The following CARHSP1 variants were observed in gnomAD, a reference collection of about 807,000 sequenced individuals.
CARHSP1 encodes the protein calcium-regulated heat-stable protein 1.
Under a neutral mutation model 12.5 loss-of-function variants are expected in CARHSP1, and 14 were observed. The ratio of observed to expected loss-of-function variants is 1.12; its 90% CI spans 0.74 to 1.75. CARHSP1 has a LOEUF of 1.75. Ranked by LOEUF, CARHSP1 falls within the 40% of genes most tolerant of loss-of-function variation. The pLI, the probability that CARHSP1 is intolerant of heterozygous loss-of-function variation, is 0.00. For synonymous variants in CARHSP1, 161 were observed against 82.0 expected (o/e 1.96, Z -5.20); for missense variants, 343 against 201.6 (o/e 1.70, Z -4.25).
In CARHSP1 at chr16:8,853,030, GCT is replaced by G. The variant is rs1320236632; in HGVS notation, c.*2132_*2133del. ...TCAGGAATCCTCAATTTTAGCTCTC[GCT>G]CTGTCACCAAAACCCTCCGTCCCTC... On this transcript the variant is annotated 3_prime_UTR_variant, in exon 4 of 4. Transcript: ENST00000311052. 1 of 152,134 alleles carries G rather than the reference GCT, an allele frequency of 6.6e-6. No individual in the cohort carries two copies. The highest frequency in any genetic ancestry group is 2.4e-5 in the African/African-American group (1 of 41,428). The allele number at this position is 152,134 out of a possible 1,614,324, so 9.4% of individuals were successfully genotyped here.
chr16:8,859,354 G>T lies in CARHSP1; in HGVS notation c.-7-19C>A. The T allele has an allele frequency of 1.3e-6, 2 of 1,592,766 alleles. No individual in the cohort carries two copies. Among genetic ancestry groups the T allele is most frequent in the Admixed American group, 1.7e-5 (1 of 58,696 alleles). ...GGCTGACCTGGAAAGAGAAGAGGCTGTCAGGGGCTCGTGCCTTGCAAGGTA... is the reference window on the plus strand; with the variant it reads ...GGCTGACCTGGAAAGAGAAGAGGCTTTCAGGGGCTCGTGCCTTGCAAGGTA... On this transcript the variant is annotated intron_variant, in intron 1 of 3. Coordinates refer to ENST00000311052, the MANE Select transcript of CARHSP1 (RefSeq NM_014316.4).
At chr16:8,866,205 C>A (rs1262256923) in intron 1 of CARHSP1, among the ~76,000 whole-genome samples, 3 of 152,226 alleles carry the variant, frequency 2.0e-5, no homozygotes, top group Non-Finnish European at 4.4e-5. Context: ...TCTCCCACCC[C>A]GGCCTCCCAA....
chr16:8,865,451 C>T (rs928104239), intron 1 of CARHSP1, among the ~76,000 whole-genome samples: 3 of 152,188 alleles, frequency 2.0e-5, no homozygotes, highest in African/African-American at 7.2e-5. Flanking sequence ...TTATTGAAGA[C>T]AGGATGATAG....
intron 1 of CARHSP1, among the ~76,000 whole-genome samples, chr16:8,864,467 T>G (rs2141124420): frequency 6.6e-6 from 1 of 152,122 alleles, no homozygotes; most frequent in East Asian, 1.9e-4. Flanking sequence ...TTACAACACT[T>G]CACACAGCCC....
At chr16:8,866,821 T>C (rs1442198722) in intron 1 of CARHSP1, among the ~76,000 whole-genome samples, 2 of 151,932 alleles carry the variant, frequency 1.3e-5, no homozygotes, top group African/African-American at 4.8e-5. Context: ...AAGCCAACAG[T>C]CACAGAGAAG....
chr16:8,862,701 C>T (rs1489550740), intron 1 of CARHSP1, among the ~76,000 whole-genome samples: 1 of 152,048 alleles, frequency 6.6e-6, no homozygotes, highest in African/African-American at 2.4e-5. Flanking sequence ...GCCCTGAGGG[C>T]CCGGGTGGGA....
chr16:8,861,915 G>T (rs1367760640), intron 1 of CARHSP1: 4 of 668,976 alleles, frequency 6.0e-6, no homozygotes, highest in East Asian at 8.6e-5. Flanking sequence ...CAACTCCACA[G>T]TTAGAGACAC....
intron 1 of CARHSP1, chr16:8,861,725 C>A: frequency 7.8e-7 from 1 of 1,287,480 alleles, no homozygotes; most frequent in Non-Finnish European, 1.0e-6. Context: ...GTCCGGGGAG[C>A]CCCCACCTCA....
chr16:8,861,891 G>A (rs2061365702), intron 1 of CARHSP1: 2 of 1,013,034 alleles, frequency 2.0e-6, no homozygotes, highest in South Asian at 3.5e-5. Flanking sequence ...CAGCAGATGG[G>A]AGCAGTGGCC....
intron 3 of CARHSP1, among the ~76,000 whole-genome samples, chr16:8,856,286 T>G (rs1388658856): frequency 1.3e-5 from 2 of 151,784 alleles, no homozygotes; most frequent in South Asian, 2.1e-4. Context: ...GAAAACCCCC[T>G]TCAGATGCTA....
chr16:8,866,240 T>C (rs1188370091), intron 1 of CARHSP1, among the ~76,000 whole-genome samples: 1 of 152,152 alleles, frequency 6.6e-6, no homozygotes, highest in East Asian at 1.9e-4. Flanking sequence ...AGGCTCCAGA[T>C]TCCTGGCCAA....
In CARHSP1 at chr16:8,854,618, CCA is replaced by C. The variant is rs2061038540; in HGVS notation, c.*544_*545del. The stretch of plus-strand genomic sequence containing the variant: ...GACCGCCACCCCCGCCTTTCCCCAC[CCA>C]CTTCAAGCCAGCTCCCCTAGAACCA... On this transcript the variant is annotated 3_prime_UTR_variant, in exon 4 of 4. Transcript: ENST00000311052. 1 of 152,850 alleles carries C rather than the reference CCA, an allele frequency of 6.5e-6. No individual in the cohort carries two copies. The highest frequency in any genetic ancestry group is 1.5e-5 in the Non-Finnish European group (1 of 68,188). 9.5% of individuals were successfully genotyped at this position (152,850 alleles called of 1,614,324 possible).
Position 8,858,344 on chromosome 16 carries a change from A to T in CARHSP1, c.281+6T>A. 1 of 1,613,088 alleles carries T rather than the reference A, an allele frequency of 6.2e-7. No individual in the cohort carries two copies. Among genetic ancestry groups the T allele is most frequent in the Non-Finnish European group, 8.5e-7 (1 of 1,179,796 alleles). On this transcript the variant is annotated splice_donor_region_variant and intron_variant, in intron 3 of 3. Transcript: ENST00000311052. ...GCCAGGCCACCCAGACCTGCCGCTG[A>T]CTCACTCAGAGATGTGCAGGAAGAT... is the stretch of plus-strand genomic sequence containing the variant.
chr16:8,859,383 AC>A, intron 1 of CARHSP1, 48 bp from the exon 2 acceptor site: 1 of 1,536,080 alleles, frequency 6.5e-7, no homozygotes, highest in Non-Finnish European at 8.8e-7. Context: ...CAAGGTAGGG[AC>A]CCTGTGCTTA....
intron 2 of CARHSP1, 94 bp from the exon 3 acceptor site, chr16:8,858,566 C>T (rs772358183): frequency 1.4e-4 from 204 of 1,502,726 alleles, no homozygotes; most frequent in Non-Finnish European, 1.7e-4. Flanking sequence ...CCCCATCAAG[C>T]CCTGGCCAGG....
chr16:8,859,343 G>C lies in CARHSP1; in HGVS notation c.-7-8C>G, dbSNP rs369820747. 2 of 1,597,440 alleles carry C rather than the reference G, an allele frequency of 1.3e-6. No individual in the cohort carries two copies. Among genetic ancestry groups the C allele is most frequent in the East Asian group, 2.2e-5 (1 of 44,646 alleles). On this transcript the variant is annotated splice_region_variant and splice_polypyrimidine_tract_variant and intron_variant, in intron 1 of 3. Coordinates refer to ENST00000311052, the MANE Select transcript of CARHSP1 (RefSeq NM_014316.4). ...TCAGATGACATGGCTGACCTGGAAA[G>C]AGAAGAGGCTGTCAGGGGCTCGTGC...
intron 3 of CARHSP1, among the ~76,000 whole-genome samples, chr16:8,856,053 C>A (rs1340215065): frequency 6.6e-6 from 1 of 152,188 alleles, no homozygotes; most frequent in Non-Finnish European, 1.5e-5. Flanking sequence ...AAGTGAGCCA[C>A]CTGCCTCAGC....
rs1014349932 is a variant in CARHSP1 at position 8,853,018 on chromosome 16, A to T, written c.*2146T>A. 1.3e-5 allele frequency: 2 copies of T among 152,160 alleles called. No homozygotes were observed. Among genetic ancestry groups the T allele is most frequent in the Non-Finnish European group, 2.9e-5 (2 of 68,046 alleles). The allele number at this position is 152,160 out of a possible 1,614,324, so 9.4% of individuals were successfully genotyped here. A position where few individuals can be genotyped will look rare whatever the true frequency, so the allele number is the denominator to read the frequency against. The stretch of plus-strand genomic sequence containing the variant: ...CAAGATCTGGATTCAGGAATCCTCA[A>T]TTTTAGCTCTCGCTCTGTCACCAAA... On this transcript the variant is annotated 3_prime_UTR_variant, in exon 4 of 4. Coordinates refer to ENST00000311052, the MANE Select transcript of CARHSP1 (RefSeq NM_014316.4).
intron 3 of CARHSP1, among the ~76,000 whole-genome samples, chr16:8,857,279 T>TTTTTTG (rs2061160044): frequency 8.3e-6 from 1 of 119,838 alleles, no homozygotes; most frequent in African/African-American, 3.1e-5. Flanking sequence ...TTTTTTTTTT[T>TTTTTTG]TTTTTTTTTT....
Sources: gnomAD v4.1 joint callset for allele counts (sites outside exome capture counted in the v4.1 genomes callset) on GRCh38, gnomAD v4.1.1 for gene constraint, MANE v1.5 for transcripts, NCBI Gene and HGNC (gene_info 2026-07-23, HGNC 2026-07-21) for gene names.